Variants in DEFB1 observed in about 807,000 individuals in gnomAD.
DEFB1 encodes defensin beta 1.
DEFB1 carries 4 observed loss-of-function variants against 2.6 expected under a neutral mutation model. That is an observed-to-expected ratio of 1.53 (90% CI 0.76 to 3.51). The LOEUF is 3.51. Ranked by LOEUF, DEFB1 falls within the 30% of genes most tolerant of loss-of-function variation. The pLI, the probability that DEFB1 is intolerant of heterozygous loss-of-function variation, is 0.01. For missense variants in DEFB1, 162 were observed against 76.9 expected (o/e 2.11, Z -4.14); for synonymous variants, 56 against 28.5 (o/e 1.96, Z -3.07).
Position 6,870,719 on chromosome 8 carries a change from C to A in DEFB1, c.169G>T (p.Gly57Cys), listed in dbSNP as rs145468425. ...TTGGCCTTCCCTCTGTAACAGGTGCCTTGAATTTTGGTAAAGATCGGGCAG... is the reference window on the plus strand; with the variant it reads ...TTGGCCTTCCCTCTGTAACAGGTGCATTGAATTTTGGTAAAGATCGGGCAG... The part of the protein sequence containing the change: ...SACPIFTKIQ[G>C]TCYRGKAKCC... Residue 57 changes from glycine (G) to cysteine (C), a missense_variant, in exon 2 of 2, where the codon GGC becomes TGC. Gly to Cys is a radical substitution (Grantham distance 159, BLOSUM62 -3). Coordinates refer to ENST00000297439, the MANE Select transcript of DEFB1 (RefSeq NM_005218.4). 7.4e-6 allele frequency: 12 copies of A among 1,614,108 alleles called. No individual in the cohort carries two copies. In the East Asian group the frequency reaches 2.5e-4, roughly 33 times the overall value.
intron 1 of DEFB1, among the ~76,000 whole-genome samples, chr8:6,875,922 G>A (rs186800208): frequency 3.9e-5 from 6 of 152,170 alleles, no homozygotes; most frequent in Non-Finnish European, 7.4e-5. Context: ...TATTCTTGGG[G>A]GTAGGAGGGA....
At chr8:6,872,111 TC>T (rs1356887115) in intron 1 of DEFB1, among the ~76,000 whole-genome samples, 1 of 152,170 alleles carries the variant, frequency 6.6e-6, no homozygotes, top group African/African-American at 2.4e-5. Context: ...ATGCCTGGTT[TC>T]TGGTCCCTTC....
chr8:6,877,909 C>G lies in DEFB1; in HGVS notation c.-52G>C. On this transcript the variant is annotated 5_prime_UTR_variant, in exon 1 of 2. Coordinates refer to ENST00000297439, the MANE Select transcript of DEFB1 (RefSeq NM_005218.4). Reference sequence around the variant, plus strand: ...TTCAGGAACTGGGGAGACGCTGGCTCCTTTGGAGGCTGAGCTGACAGAGGC... The same window carrying G: ...TTCAGGAACTGGGGAGACGCTGGCTGCTTTGGAGGCTGAGCTGACAGAGGC... 2 of 1,558,778 alleles carry G rather than the reference C, an allele frequency of 1.3e-6. No individual in the cohort carries two copies. Among genetic ancestry groups the G allele is most frequent in the Non-Finnish European group, 1.8e-6 (2 of 1,130,120 alleles).
chr8:6,876,347 G>C (rs1357886555), intron 1 of DEFB1, among the ~76,000 whole-genome samples: 1 of 152,020 alleles, frequency 6.6e-6, no homozygotes, highest in African/African-American at 2.4e-5. Flanking sequence ...TTGGTGGCAT[G>C]CACCTGTAAT....
Position 6,870,732 on chromosome 8 carries a change from A to G in DEFB1, c.156T>C (p.Phe52=). 6.2e-7 allele frequency: 1 copy of G among 1,614,248 alleles called. No individual in the cohort carries two copies. The highest frequency in any genetic ancestry group is 8.5e-7 in the Non-Finnish European group (1 of 1,180,034). The change falls in exon 2 of 2, where the codon TTT becomes TTC. Residue 52 remains phenylalanine, a synonymous_variant. Transcript: ENST00000297439. ...GQCLYSACPI[F]TKIQGTCYRG... ...TGTAACAGGTGCCTTGAATTTTGGT[A>G]AAGATCGGGCAGGCAGAATAGAGAC...
At chr8:6,870,876 C>G (rs576362026) in intron 1 of DEFB1, 50 bp from the exon 2 acceptor site, 3 of 1,557,478 alleles carry the variant, frequency 1.9e-6, no homozygotes, top group African/African-American at 2.8e-5. Flanking sequence ...GTAGCTGCAA[C>G]GATTTGAGAA....
chr8:6,873,261 G>T (rs760554316), intron 1 of DEFB1, among the ~76,000 whole-genome samples: 12 of 152,212 alleles, frequency 7.9e-5, no homozygotes, highest in Non-Finnish European at 1.5e-4. Context: ...GATGCCTCCT[G>T]ATCTCACTTC....
In DEFB1 at chr8:6,870,686, T is replaced by C; in HGVS notation, c.202A>G (p.Lys68Glu). Residue 68 changes from lysine (K) to glutamate (E), a missense_variant, in exon 2 of 2, where the codon AAG (lysine) becomes GAG (glutamate). Transcript: ENST00000297439. ...TTCTTCTGGTCACTCCCAGCTCACT[T>C]GCAGCACTTGGCCTTCCCTCTGTAA... The part of the protein sequence containing the change: ...TCYRGKAKCC[K>E] 6.2e-7 allele frequency: 1 copy of C among 1,613,794 alleles called. No homozygotes were observed. The highest frequency in any genetic ancestry group is 8.5e-7 in the Non-Finnish European group (1 of 1,179,960).
chr8:6,877,744 C>T, intron 1 of DEFB1, 53 bp downstream of exon 1: 1 of 1,505,786 alleles, frequency 6.6e-7, no homozygotes, highest in Non-Finnish European at 9.2e-7. Flanking sequence ...TCACATCAGC[C>T]CCATTGTCCC....
chr8:6,872,668 C>G (rs1342537487), intron 1 of DEFB1, among the ~76,000 whole-genome samples: 2 of 152,210 alleles, frequency 1.3e-5, no homozygotes, highest in African/African-American at 2.4e-5. Flanking sequence ...AGGGAAGCAT[C>G]TTGGGCCAAG....
chr8:6,876,266 G>C lies in DEFB1; in HGVS notation c.61+1531C>G, dbSNP rs572947485. On this transcript the variant is annotated intron_variant, in intron 1 of 1. Transcript: ENST00000297439. ...CGGAGGCAGGCGGACCATGAGGTCA[G>C]GAGTTAAAGACCAGCATGACCAGCA... 6.1e-3 allele frequency among the ~76,000 whole-genome samples: 923 copies of C among 152,224 alleles called. 13 individuals are homozygous for C. Among genetic ancestry groups the C allele is most frequent in the African/African-American group, 0.02 (832 of 41,504 alleles).
chr8:6,876,289 G>C (rs923082219), intron 1 of DEFB1, among the ~76,000 whole-genome samples: 1 of 152,054 alleles, frequency 6.6e-6, no homozygotes, highest in African/African-American at 2.4e-5. Context: ...AGCATGACCA[G>C]CATGGTGAAA....
intron 1 of DEFB1, 58 bp from the exon 2 acceptor site, chr8:6,870,884 G>T: frequency 6.5e-7 from 1 of 1,546,014 alleles, no homozygotes; most frequent in South Asian, 1.2e-5. Flanking sequence ...AACGATTTGA[G>T]AACATCTCGC....
At chr8:6,877,146 A>G (rs975616846) in intron 1 of DEFB1, among the ~76,000 whole-genome samples, 16 of 152,164 alleles carry the variant, frequency 1.1e-4, no homozygotes, top group Admixed American at 3.9e-4. Flanking sequence ...CTGGGATAAA[A>G]CATGTTCCCG....
chr8:6,874,744 G>A (rs1806456517), intron 1 of DEFB1, among the ~76,000 whole-genome samples: 1 of 152,152 alleles, frequency 6.6e-6, no homozygotes, highest in Non-Finnish European at 1.5e-5. Flanking sequence ...CACTTTGTGA[G>A]GCAGAGGCAG....
At chr8:6,870,954 A>G in intron 1 of DEFB1, 128 bp from the exon 2 acceptor site, 4 of 1,066,982 alleles carry the variant, frequency 3.7e-6, no homozygotes, top group African/African-American at 1.6e-5. Context: ...AAATTGGCCC[A>G]TGATTGATCT....
chr8:6,877,824 A>G lies in DEFB1; in HGVS notation c.34T>C (p.Cys12Arg). ...GAGGCCATCTCAGACAAAAGTAAGCAGAGAGTAAACAGCAGAAGGTAGGAA... is the reference window on the plus strand; with the variant it reads ...GAGGCCATCTCAGACAAAAGTAAGCGGAGAGTAAACAGCAGAAGGTAGGAA... ...RTSYLLLFTL[C>R]LLLSEMASGG... Residue 12 changes from cysteine (C) to arginine (R), a missense_variant, in exon 1 of 2, where the codon TGC becomes CGC. Coordinates refer to ENST00000297439, the MANE Select transcript of DEFB1 (RefSeq NM_005218.4). 2.5e-6 allele frequency: 4 copies of G among 1,614,056 alleles called. No individual in the cohort carries two copies. The highest frequency in any genetic ancestry group is 1.3e-5 in the African/African-American group (1 of 75,048).
At chr8:6,871,776 G>C (rs930722007) in intron 1 of DEFB1, among the ~76,000 whole-genome samples, 1 of 152,190 alleles carries the variant, frequency 6.6e-6, no homozygotes, top group Non-Finnish European at 1.5e-5. Flanking sequence ...ACCAGCCAAG[G>C]ACAGACACCT....
At chr8:6,876,931 T>C (rs1806553471) in intron 1 of DEFB1, among the ~76,000 whole-genome samples, 4 of 151,960 alleles carry the variant, frequency 2.6e-5, no homozygotes, top group Non-Finnish European at 5.9e-5. Context: ...TACTCAGCTT[T>C]CAGATGGAAA....
Sources: gnomAD v4.1 joint callset for allele counts (sites outside exome capture counted in the v4.1 genomes callset) on GRCh38, gnomAD v4.1.1 for gene constraint, MANE v1.5 for transcripts, NCBI Gene and HGNC (gene_info 2026-07-23, HGNC 2026-07-21) for gene names.